MAP1B: variants seen among roughly 807,000 people sequenced by gnomAD.
MAP1B encodes the protein microtubule-associated protein 1B.
Under a neutral mutation model 176.1 loss-of-function variants are expected in MAP1B, and 12 were observed. That is an observed-to-expected ratio of 0.07 (90% CI 0.04 to 0.11). The LOEUF (loss-of-function observed/expected upper bound fraction) is 0.11. Ranked by LOEUF, MAP1B falls within the 10% of genes least tolerant of loss-of-function variation. The pLI is 1.00. For missense variants in MAP1B, 2,523 were observed against 2,990.5 expected, an observed-to-expected ratio of 0.84 and a Z score of 3.65; for synonymous variants, 1,044 against 1,135.0, an observed-to-expected ratio of 0.92 and a Z score of 1.61.
chr5:72,205,286 A>G lies in MAP1B; in HGVS notation c.*47A>G. ...CAGGATCTGAACTTTGTTTCCAGAAATTCTTCAATTTGAAATCACCTTTTC... is the reference window on the plus strand; with the variant it reads ...CAGGATCTGAACTTTGTTTCCAGAAGTTCTTCAATTTGAAATCACCTTTTC... On this transcript the variant is annotated 3_prime_UTR_variant, in exon 7 of 7. Transcript: ENST00000296755. 1.3e-6 allele frequency: 2 copies of G among 1,560,786 alleles called. No individual in the cohort carries two copies. Among genetic ancestry groups the G allele is most frequent in the Non-Finnish European group, 1.7e-6 (2 of 1,154,958 alleles).
chr5:72,141,794 T>C (rs754108342), intron 2 of MAP1B, among the ~76,000 whole-genome samples: 1 of 152,180 alleles, frequency 6.6e-6, no homozygotes, highest in East Asian at 1.9e-4. Flanking sequence ...GGCAGTGATA[T>C]CATATTACTT....
intron 2 of MAP1B, among the ~76,000 whole-genome samples, chr5:72,130,632 A>T (rs534040199): frequency 2.0e-5 from 3 of 152,350 alleles, no homozygotes; most frequent in Admixed American, 2.0e-4. Flanking sequence ...GAGACTTGGC[A>T]GTCTAGAAGC....
Position 72,198,521 on chromosome 5 carries a change from A to G in MAP1B, c.5166A>G (p.Ser1722=). Residue 1722 remains serine, a synonymous_variant, in exon 5 of 7, where the codon TCA becomes TCG. Coordinates refer to ENST00000296755, the MANE Select transcript of MAP1B (RefSeq NM_005909.5). ...TQDNDLSELI[S]VSQVEASPST... is the part of the protein sequence containing the mutation. The stretch of plus-strand genomic sequence containing the variant: ...ATAATGATCTTTCTGAGCTCATCTC[A>G]GTATCTCAGGTAGAGGCCTCCCCGT... 1 of 1,614,016 alleles carries G rather than the reference A, an allele frequency of 6.2e-7. No homozygotes were observed. Among genetic ancestry groups the G allele is most frequent in the Non-Finnish European group, 8.5e-7 (1 of 1,180,040 alleles).
At chr5:72,170,869 C>T (rs1185011714) in intron 2 of MAP1B, among the ~76,000 whole-genome samples, 3 of 133,726 alleles carry the variant, frequency 2.2e-5, no homozygotes, top group Non-Finnish European at 5.3e-5. Context: ...GTAGCTTGAA[C>T]CCAGGAGGCA....
chr5:72,127,662 T>A (rs1745654581), intron 2 of MAP1B, among the ~76,000 whole-genome samples: 1 of 152,180 alleles, frequency 6.6e-6, no homozygotes, highest in Non-Finnish European at 1.5e-5. Context: ...CAACAAAGCT[T>A]ACCAAGTATT....
chr5:72,172,318 T>C (rs1329633302), intron 2 of MAP1B, among the ~76,000 whole-genome samples: 4 of 152,182 alleles, frequency 2.6e-5, no homozygotes, highest in African/African-American at 9.7e-5. Context: ...TGGGGAAAAA[T>C]CAACTCATAC....
In MAP1B at chr5:72,155,529, C is replaced by T. The variant is rs1219023424; in HGVS notation, c.287-28214C>T. Among the ~76,000 whole-genome samples the T allele has an allele frequency of 3.9e-5, 6 of 152,270 alleles. No individual in the cohort carries two copies. The East Asian group carries it at 1.2e-3, about 29-fold the overall frequency. ...GTTTAAGTCTACACAAAGGTAAGGT[C>T]CTTCATTGTGACAATATGCAGTTTT... On this transcript the variant is annotated intron_variant, in intron 2 of 6. Transcript: ENST00000296755.
chr5:72,128,205 A>G (rs1232284391), intron 2 of MAP1B, among the ~76,000 whole-genome samples: 2 of 152,178 alleles, frequency 1.3e-5, no homozygotes, highest in Admixed American at 1.3e-4. Flanking sequence ...GGTCCTCATG[A>G]TGAACCTATT....
chr5:72,180,048 G>C (rs1746733879), intron 2 of MAP1B: 17 of 480,458 alleles, frequency 3.5e-5, no homozygotes, highest in Non-Finnish European at 4.6e-5. Context: ...GTTTGGGGAA[G>C]AGCGTGCTGT....
Position 72,199,338 on chromosome 5 carries a change from G to C in MAP1B, c.5983G>C (p.Glu1995Gln), listed in dbSNP as rs781775308. 6.2e-7 allele frequency: 1 copy of C among 1,614,148 alleles called. No homozygotes were observed. Among genetic ancestry groups the C allele is most frequent in the Non-Finnish European group, 8.5e-7 (1 of 1,180,020 alleles). The change falls in exon 5 of 7, where the codon GAG (glutamate) becomes CAG (glutamine). Residue 1995 changes from glutamate to glutamine, a missense_variant. Around this residue, in one of 4 missense-constraint regions of MAP1B, gnomAD observed 1,925 missense variants for 2,126.0 expected, o/e 0.91. Transcript: ENST00000296755. This position sits in a 1 kb window ranked among gnomAD's most constrained non-coding sequence, Gnocchi z 4.2. ...DDISNGYDDS[E>Q]DGGHTLGDPS... ...CATCAGCAATGGCTATGATGACTCTGAGGATGGTGGCCACACACTTGGGGA... is the reference window on the plus strand; with the variant it reads ...CATCAGCAATGGCTATGATGACTCTCAGGATGGTGGCCACACACTTGGGGA...
At chr5:72,163,930 CTTTTTTTTT>C (rs869167918) in intron 2 of MAP1B, among the ~76,000 whole-genome samples, 10 of 43,716 alleles carry the variant, frequency 2.3e-4, no homozygotes, top group East Asian at 1.8e-3. Flanking sequence ...TTTTTTTTTT[CTTTTTTTTT>C]TTTTTTTTTT....
At chr5:72,153,505 G>A (rs1264806332) in intron 2 of MAP1B, among the ~76,000 whole-genome samples, 1 of 151,998 alleles carries the variant, frequency 6.6e-6, no homozygotes, top group East Asian at 2.0e-4. Flanking sequence ...TTGAAGACAA[G>A]CAGAAGTGAG....
intron 2 of MAP1B, among the ~76,000 whole-genome samples, chr5:72,170,036 G>T (rs1746505431): frequency 6.6e-6 from 1 of 152,118 alleles, no homozygotes; most frequent in African/African-American, 2.4e-5. Context: ...TATCCCACTA[G>T]GGCAAAAAAT....
rs1308894634 is a variant in MAP1B at position 72,186,059 on chromosome 5, AC to A, written c.370-554del. Among the ~76,000 whole-genome samples, 1 of 152,180 alleles carries A rather than the reference AC, an allele frequency of 6.6e-6. No individual in the cohort carries two copies. Among genetic ancestry groups the A allele is most frequent in the Non-Finnish European group, 1.5e-5 (1 of 68,022 alleles). ...CAATGTCAAGCACCTTACTGATGCC[AC>A]TGGAGACTGCCGTGGAGCTGTGTGT... On this transcript the variant is annotated intron_variant, in intron 3 of 6. Coordinates refer to ENST00000296755, the MANE Select transcript of MAP1B (RefSeq NM_005909.5). The surrounding 1 kb of genome is among the most constrained non-coding windows in gnomAD (Gnocchi z 4.3).
intron 2 of MAP1B, among the ~76,000 whole-genome samples, chr5:72,170,564 G>A (rs965658995): frequency 6.6e-6 from 1 of 151,884 alleles, no homozygotes; most frequent in African/African-American, 2.4e-5. Flanking sequence ...AGAGGAGCTG[G>A]GACTATCCCA....
chr5:72,131,152 T>C, intron 2 of MAP1B, among the ~76,000 whole-genome samples: 1 of 152,196 alleles, frequency 6.6e-6, no homozygotes, highest in East Asian at 1.9e-4. Flanking sequence ...AAATTTGTAT[T>C]ACAAGCTGTG....
In MAP1B at chr5:72,196,639, A is replaced by G; in HGVS notation, c.3284A>G (p.Glu1095Gly). Residue 1095 changes from glutamate to glycine, a missense_variant, in exon 5 of 7, where the codon GAG becomes GGG. Glu to Gly is a moderately conservative substitution (Grantham distance 98, BLOSUM62 -2). Coordinates refer to ENST00000296755, the MANE Select transcript of MAP1B (RefSeq NM_005909.5). The surrounding 1 kb of genome is among the most constrained non-coding windows in gnomAD (Gnocchi z 5.3). ...GATGAGACTTTACCTGGAGGCTCAG[A>G]GAGCGAGGCCACCGCTTCTGATGAG... ...IHDETLPGGS[E>G]SEATASDEEN... 6.2e-7 allele frequency: 1 copy of G among 1,614,158 alleles called. No homozygotes were observed. The highest frequency in any genetic ancestry group is 8.5e-7 in the Non-Finnish European group (1 of 1,180,042).
chr5:72,144,915 C>T (rs1381261321), intron 2 of MAP1B, among the ~76,000 whole-genome samples: 2 of 152,146 alleles, frequency 1.3e-5, no homozygotes, highest in African/African-American at 4.8e-5. Flanking sequence ...AACACAGATC[C>T]TTCTCTTCCC....
At chr5:72,112,434 C>T (rs796978347) in intron 1 of MAP1B, among the ~76,000 whole-genome samples, 17 of 152,318 alleles carry the variant, frequency 1.1e-4, no homozygotes, top group African/African-American at 3.4e-4. Flanking sequence ...AGCCTGTACA[C>T]ACCAAGAGTA....
Sources: allele counts gnomAD v4.1 joint callset (sites outside exome capture counted in the v4.1 genomes callset), GRCh38; gene constraint gnomAD v4.1.1; regional missense constraint gnomAD v4.1.1; non-coding constraint Gnocchi (gnomAD v3.1); transcripts MANE v1.5; gene names NCBI Gene and HGNC (gene_info 2026-07-23, HGNC 2026-07-21).